MTHFD1L: variants seen among roughly 807,000 people sequenced by gnomAD.
MTHFD1L encodes methylenetetrahydrofolate dehydrogenase (NADP+ dependent) 1 like.
MTHFD1L carries 81 observed loss-of-function variants against 119.5 expected under a neutral mutation model. The observed-to-expected ratio is 0.68, with a 90% CI of 0.57 to 0.82. The LOEUF (loss-of-function observed/expected upper bound fraction) is 0.82. MTHFD1L is among the 40% of genes least tolerant of loss of function. The probability of loss-of-function intolerance (pLI) is 0.00; values close to 1 mark genes in which losing one functional copy is unlikely to be tolerated. For synonymous variants in MTHFD1L, 430 were observed against 475.2 expected, an observed-to-expected ratio of 0.90 and a Z score of 1.24; for missense variants, 1,125 against 1,253.4, an observed-to-expected ratio of 0.90 and a Z score of 1.55.
intron 26 of MTHFD1L, among the ~76,000 whole-genome samples, chr6:151,075,763 C>A (rs1274209800): frequency 6.6e-6 from 1 of 152,190 alleles, no homozygotes; most frequent in East Asian, 1.9e-4. Flanking sequence ...AAAATATGTT[C>A]TCTAACCACA....
chr6:150,965,946 G>A (rs1797149684), intron 19 of MTHFD1L, among the ~76,000 whole-genome samples: 1 of 152,204 alleles, frequency 6.6e-6, no homozygotes, highest in South Asian at 2.1e-4. Flanking sequence ...GTGATGTGGG[G>A]TATGTGTGTC....
At chr6:150,874,789 G>A (rs1412136536) in intron 1 of MTHFD1L, among the ~76,000 whole-genome samples, 22 of 151,570 alleles carry the variant, frequency 1.5e-4, no homozygotes, top group Non-Finnish European at 3.2e-4. Context: ...TTGAGACGGA[G>A]TCTTGCTGTG....
intron 26 of MTHFD1L, among the ~76,000 whole-genome samples, chr6:151,038,413 G>T (rs187300036): frequency 2.6e-5 from 4 of 152,080 alleles, no homozygotes; most frequent in African/African-American, 4.8e-5. Context: ...GTTGGATGAG[G>T]GGGGGTGGCT....
Position 151,000,611 on chromosome 6 carries a change from G to A in MTHFD1L, c.2126-9208G>A, listed in dbSNP as rs143274140. On this transcript the variant is annotated intron_variant, in intron 20 of 27. Transcript: ENST00000367321. ...ATTTTTAAGCTGCAGTAATAATGCC[G>A]AATTTCTCTTATAGTTAATTGAATG... 4.2e-3 allele frequency among the ~76,000 whole-genome samples: 641 copies of A among 152,264 alleles called. 7 individuals are homozygous for A. The highest frequency in any genetic ancestry group is 0.014 in the African/African-American group (570 of 41,540).
At chr6:151,081,185 A>C (rs528545771) in intron 26 of MTHFD1L, among the ~76,000 whole-genome samples, 1 of 152,342 alleles carries the variant, frequency 6.6e-6, no homozygotes, top group South Asian at 2.1e-4. Flanking sequence ...TATTTAAAAT[A>C]GTTTAATTAC....
chr6:150,880,262 C>A (rs1226580693), intron 4 of MTHFD1L, among the ~76,000 whole-genome samples: 1 of 152,124 alleles, frequency 6.6e-6, no homozygotes, highest in Non-Finnish European at 1.5e-5. Context: ...TTTCCCCTCC[C>A]CCATCCCTCT....
chr6:150,961,322 G>A (rs1796415170), intron 18 of MTHFD1L, among the ~76,000 whole-genome samples: 1 of 152,074 alleles, frequency 6.6e-6, no homozygotes, highest in Non-Finnish European at 1.5e-5. Context: ...TCGAACTCCT[G>A]ACCTCAGGTG....
intron 20 of MTHFD1L, among the ~76,000 whole-genome samples, chr6:150,992,945 C>T (rs1779253228): frequency 6.6e-6 from 1 of 152,184 alleles, no homozygotes; most frequent in Non-Finnish European, 1.5e-5. Flanking sequence ...ATCACTCACC[C>T]AGTGCTTCTG....
At chr6:150,912,218 G>T (rs1411992849) in intron 8 of MTHFD1L, among the ~76,000 whole-genome samples, 1 of 151,938 alleles carries the variant, frequency 6.6e-6, no homozygotes, top group Non-Finnish European at 1.5e-5. Context: ...ACCATATCAT[G>T]ATACTCATTT....
intron 1 of MTHFD1L, chr6:150,866,526 C>T (rs976947200): frequency 2.1e-5 from 27 of 1,275,126 alleles, no homozygotes; most frequent in Non-Finnish European, 2.4e-5. Context: ...GGCTCGGGCC[C>T]AGCGCCGCCC....
intron 5 of MTHFD1L, among the ~76,000 whole-genome samples, chr6:150,883,212 T>C (rs1781653340): frequency 6.6e-6 from 1 of 152,096 alleles, no homozygotes; most frequent in Admixed American, 6.6e-5. Context: ...TTTGTATTTT[T>C]AGTAGAGACG....
At chr6:150,885,188 A>AT (rs1300817297) in intron 5 of MTHFD1L, among the ~76,000 whole-genome samples, 1 of 136,764 alleles carries the variant, frequency 7.3e-6, no homozygotes, top group Admixed American at 7.9e-5. Flanking sequence ...TCTTTAATTC[A>AT]TTTTTTATGG....
At chr6:151,073,027 T>C (rs1792104817) in intron 26 of MTHFD1L, among the ~76,000 whole-genome samples, 1 of 152,086 alleles carries the variant, frequency 6.6e-6, no homozygotes, top group Admixed American at 6.5e-5. Context: ...GGAAACAAAG[T>C]GAGTCCTATA....
chr6:150,957,472 GA>G (rs1341558424), intron 17 of MTHFD1L, among the ~76,000 whole-genome samples: 1 of 152,018 alleles, frequency 6.6e-6, no homozygotes, highest in Non-Finnish European at 1.5e-5. Flanking sequence ...AATTTGAAAT[GA>G]CCCAACAATT....
intron 20 of MTHFD1L, among the ~76,000 whole-genome samples, chr6:151,008,199 T>A (rs2128478091): frequency 6.6e-6 from 1 of 152,340 alleles, no homozygotes; most frequent in Admixed American, 6.5e-5. Flanking sequence ...TACAGCAACT[T>A]AACAAAATTA....
At chr6:151,033,795 A>G (rs1365884595) in intron 24 of MTHFD1L, among the ~76,000 whole-genome samples, 1 of 152,200 alleles carries the variant, frequency 6.6e-6, no homozygotes, top group Admixed American at 6.6e-5. Flanking sequence ...TTTTAATACT[A>G]TGAACCCGTA....
At chr6:151,081,498 C>CAAAAAAGA (rs1793161200) in intron 26 of MTHFD1L, among the ~76,000 whole-genome samples, 1 of 98,194 alleles carries the variant, frequency 1.0e-5, no homozygotes, top group Non-Finnish European at 2.0e-5. Context: ...ACTAAAAATG[C>CAAAAAAGA]AAAAAAAAAA....
intron 1 of MTHFD1L, among the ~76,000 whole-genome samples, chr6:150,869,574 C>G (rs1343202079): frequency 6.6e-6 from 1 of 152,146 alleles, no homozygotes; most frequent in African/African-American, 2.4e-5. Flanking sequence ...CCAGGCTGGT[C>G]TCAAACTCCT....
At chr6:150,882,637 G>A (rs1393593093) in intron 4 of MTHFD1L, 125 bp from the exon 5 acceptor site, 1 of 682,198 alleles carries the variant, frequency 1.5e-6, no homozygotes, top group Non-Finnish European at 2.2e-6. Flanking sequence ...TTCCAACAAG[G>A]AGCAAAACAA....
Sources: allele counts gnomAD v4.1 joint callset (sites outside exome capture counted in the v4.1 genomes callset), GRCh38; gene constraint gnomAD v4.1.1; transcripts MANE v1.5; gene names NCBI Gene and HGNC (gene_info 2026-07-23, HGNC 2026-07-21).